ADAMTS3: variants seen among roughly 807,000 people sequenced by gnomAD.
ADAMTS3 encodes the protein ADAM metallopeptidase with thrombospondin type 1 motif 3.
Under a neutral mutation model 129.0 loss-of-function variants are expected in ADAMTS3, and 73 were observed. The observed-to-expected ratio is 0.57, with a 90% CI of 0.47 to 0.69. The LOEUF (loss-of-function observed/expected upper bound fraction) is 0.69, where lower values mean the gene tolerates loss of function less well. Among genes scored for constraint, ADAMTS3 ranks in the 30% least tolerant of loss-of-function variants. ADAMTS3 has a pLI of 0.00. For synonymous variants in ADAMTS3, 477 were observed against 510.8 expected, an observed-to-expected ratio of 0.93 and a Z score of 0.89; for missense variants, 1,457 against 1,514.5, an observed-to-expected ratio of 0.96 and a Z score of 0.63.
chr4:72,530,086 A>ATATTATATATTATATTATG lies in ADAMTS3; in HGVS notation c.504+18391_504+18392insCATAATATAATATATAATA, dbSNP rs1720957935. ...GTTATATATAACATATTATATTTAT[A>ATATTATATATTATATTATG]TATAATATGTTATATATAACATATT... On this transcript the variant is annotated intron_variant, in intron 3 of 21. Coordinates refer to ENST00000286657, the MANE Select transcript of ADAMTS3 (RefSeq NM_014243.3). 4.8e-5 allele frequency among the ~76,000 whole-genome samples: 2 copies of ATATTATATATTATATTATG among 41,856 alleles called. 1 individual carries two copies. The highest frequency in any genetic ancestry group is 2.1e-4 in the African/African-American group (2 of 9,426). The allele number at this position is 41,856 out of a possible 152,430, so 27.5% of individuals were successfully genotyped here. A position where few individuals can be genotyped will look rare whatever the true frequency, so the allele number is the denominator to read the frequency against.
Position 72,548,722 on chromosome 4 carries a change from A to C in ADAMTS3, c.260T>G (p.Phe87Cys). 1.9e-6 allele frequency: 3 copies of C among 1,614,006 alleles called. No individual in the cohort carries two copies. Among genetic ancestry groups the C allele is most frequent in the Non-Finnish European group, 2.5e-6 (3 of 1,179,934 alleles). ...TAGTCGCAGATGAAAATCTTTTCCA[A>C]ATGCCGTGATGTTAAAGAACAACTG... is the stretch of plus-strand genomic sequence containing the variant. ...PEQLFFNITA[F>C]GKDFHLRLKP... The change falls in exon 3 of 22, where the codon TTT becomes TGT. Residue 87 changes from phenylalanine (F) to cysteine (C), a missense_variant. By Grantham distance (205) the Phe-to-Cys change is radical. Coordinates refer to ENST00000286657, the MANE Select transcript of ADAMTS3 (RefSeq NM_014243.3).
intron 3 of ADAMTS3, among the ~76,000 whole-genome samples, chr4:72,501,123 A>C (rs1404081745): frequency 6.6e-6 from 1 of 152,116 alleles, no homozygotes; most frequent in South Asian, 2.1e-4. Flanking sequence ...TATGAATTTT[A>C]AAATAGTTTT....
At chr4:72,388,345 T>C (rs1355878187) in intron 4 of ADAMTS3, among the ~76,000 whole-genome samples, 2 of 152,192 alleles carry the variant, frequency 1.3e-5, no homozygotes, top group African/African-American at 2.4e-5. Context: ...TCACTAATCA[T>C]GCAGTTTAAA....
At chr4:72,371,030 AAG>A in intron 4 of ADAMTS3, among the ~76,000 whole-genome samples, 1 of 152,280 alleles carries the variant, frequency 6.6e-6, no homozygotes, top group African/African-American at 2.4e-5. Context: ...AGAACATGTG[AAG>A]AGAGAGGCAG....
At chr4:72,473,567 A>AC (rs1358149667) in intron 3 of ADAMTS3, among the ~76,000 whole-genome samples, 80 of 151,222 alleles carry the variant, frequency 5.3e-4, no homozygotes, top group Non-Finnish European at 5.2e-4. Context: ...AAAAAAAAAA[A>AC]ACACGGTCCT....
intron 3 of ADAMTS3, among the ~76,000 whole-genome samples, chr4:72,533,180 A>G: frequency 6.6e-6 from 1 of 152,288 alleles, no homozygotes; most frequent in Middle Eastern, 3.4e-3. Flanking sequence ...CCTATTCTAT[A>G]AGGCTTGTCT....
intron 4 of ADAMTS3, among the ~76,000 whole-genome samples, chr4:72,401,265 C>T (rs1479832681): frequency 6.6e-6 from 1 of 151,546 alleles, no homozygotes; most frequent in Admixed American, 6.6e-5. Context: ...GTAAATGATA[C>T]TATGTGAAAA....
At chr4:72,377,651 T>A (rs899104898) in intron 4 of ADAMTS3, among the ~76,000 whole-genome samples, 1 of 152,182 alleles carries the variant, frequency 6.6e-6, no homozygotes. Context: ...CCAAGTGGCA[T>A]GACATAGTTC....
intron 3 of ADAMTS3, among the ~76,000 whole-genome samples, chr4:72,418,180 A>T (rs1722357671): frequency 6.6e-6 from 1 of 152,016 alleles, no homozygotes; most frequent in South Asian, 2.1e-4. Flanking sequence ...AACTGTTAGT[A>T]GGAACAGTTG....
At chr4:72,321,428 C>G (rs1278757181) in intron 6 of ADAMTS3, among the ~76,000 whole-genome samples, 1 of 151,900 alleles carries the variant, frequency 6.6e-6, no homozygotes, top group Non-Finnish European at 1.5e-5. Flanking sequence ...AATGATCTTC[C>G]TGCCTCAGCC....
intron 3 of ADAMTS3, among the ~76,000 whole-genome samples, chr4:72,507,103 G>C (rs1720182285): frequency 6.6e-6 from 1 of 152,192 alleles, no homozygotes; most frequent in Admixed American, 6.5e-5. Flanking sequence ...ATGTATGTGT[G>C]AATGTGTATA....
At position 72,446,252 on chromosome 4, in the gene ADAMTS3, T is replaced by C. The variant is rs78090447; in HGVS notation, c.505-31281A>G. On this transcript the variant is annotated intron_variant, in intron 3 of 21. Coordinates refer to ENST00000286657, the MANE Select transcript of ADAMTS3 (RefSeq NM_014243.3). ...AAAAGGCATTTCCTCAATGTATCTT[T>C]TTATTTGGGAAAAAGTCTTGCAAAC... 0.019 allele frequency among the ~76,000 whole-genome samples: 2,886 copies of C among 151,778 alleles called. 132 individuals carry two copies. The East Asian group carries it at 0.19, about 10-fold the overall frequency.
intron 4 of ADAMTS3, among the ~76,000 whole-genome samples, chr4:72,364,575 C>A (rs1483239064): frequency 6.6e-6 from 1 of 150,970 alleles, no homozygotes; most frequent in Non-Finnish European, 1.5e-5. Context: ...GATTGTGCCA[C>A]CGCACTCCAG....
At chr4:72,520,316 T>G (rs1487481090) in intron 3 of ADAMTS3, among the ~76,000 whole-genome samples, 1 of 152,248 alleles carries the variant, frequency 6.6e-6, no homozygotes, top group African/African-American at 2.4e-5. Flanking sequence ...GGAGGCAGTC[T>G]GCTTGTTCTC....
chr4:72,463,146 G>A (rs2109985793), intron 3 of ADAMTS3, among the ~76,000 whole-genome samples: 1 of 152,042 alleles, frequency 6.6e-6, no homozygotes, highest in Non-Finnish European at 1.5e-5. Context: ...ACTGCCTACA[G>A]TATGCAGTAC....
In ADAMTS3 at chr4:72,358,419, C is replaced by A. The variant is rs185866522; in HGVS notation, c.662-18726G>T. Among the ~76,000 whole-genome samples the A allele has an allele frequency of 5.4e-3, 823 of 152,056 alleles. 14 individuals are homozygous for A. The highest frequency in any genetic ancestry group is 0.019 in the African/African-American group (783 of 41,524). On this transcript the variant is annotated intron_variant, in intron 4 of 21. Coordinates refer to ENST00000286657, the MANE Select transcript of ADAMTS3 (RefSeq NM_014243.3). ...CCTGGAGACTGTATTTCAAGAAGCA[C>A]TCCTGCAGGTCCCGAAACAGCTAGT... is the stretch of plus-strand genomic sequence containing the variant.
intron 17 of ADAMTS3, among the ~76,000 whole-genome samples, chr4:72,299,786 T>C (rs1400566402): frequency 6.6e-6 from 1 of 152,180 alleles, no homozygotes; most frequent in Non-Finnish European, 1.5e-5. Flanking sequence ...TGCATGACTG[T>C]CCTGGTTTTT....
intron 3 of ADAMTS3, among the ~76,000 whole-genome samples, chr4:72,437,553 G>A (rs548904286): frequency 1.8e-3 from 266 of 151,886 alleles, no homozygotes; most frequent in Non-Finnish European, 3.2e-3. Flanking sequence ...TCACTCTCAA[G>A]TAAGTGTTTA....
intron 4 of ADAMTS3, among the ~76,000 whole-genome samples, chr4:72,379,900 T>A (rs1186368638): frequency 6.6e-6 from 1 of 152,148 alleles, no homozygotes; most frequent in Non-Finnish European, 1.5e-5. Context: ...AATCAAGTTG[T>A]TTAATAGATA....
Sources: allele counts gnomAD v4.1 joint callset (sites outside exome capture counted in the v4.1 genomes callset), GRCh38; gene constraint gnomAD v4.1.1; transcripts MANE v1.5; gene names NCBI Gene and HGNC (gene_info 2026-07-23, HGNC 2026-07-21).